KLHL41: variants seen among roughly 807,000 people sequenced by gnomAD.
KLHL41 encodes the protein kelch-like protein 41.
A neutral mutation model predicts 49.2 loss-of-function variants in KLHL41; 31 were observed. That is an observed-to-expected ratio of 0.63 (90% CI 0.47 to 0.85). The LOEUF (loss-of-function observed/expected upper bound fraction) is 0.85. KLHL41 is among the 40% of genes least tolerant of loss of function. KLHL41 has a pLI of 0.00. For synonymous variants in KLHL41, 218 were observed against 258.5 expected, an observed-to-expected ratio of 0.84 and a Z score of 1.50; for missense variants, 663 against 726.7, an observed-to-expected ratio of 0.91 and a Z score of 1.01.
At position 169,510,611 on chromosome 2, in the gene KLHL41, T is replaced by C. The variant is rs751923233; in HGVS notation, c.833T>C (p.Val278Ala). 120 of 1,613,792 alleles carry C rather than the reference T, an allele frequency of 7.4e-5. No homozygotes were observed. The highest frequency in any genetic ancestry group is 1.0e-4 in the Non-Finnish European group (118 of 1,179,986). The part of the protein sequence containing the change: ...KNAAKTGAGE[V>A]NGDVGDEDLL... ...GCCGCGAAGACTGGGGCTGGTGAGG[T>C]GAATGGTGATGTTGGTGATGAAGAT... Residue 278 changes from valine to alanine, a missense_variant, in exon 1 of 6, where the codon GTG (valine) becomes GCG (alanine). By Grantham distance (64) the Val-to-Ala change is moderately conservative (BLOSUM62 0). This residue lies in a region of KLHL41 where 528 missense variants were observed against 581.0 expected (regional missense o/e 0.91). Coordinates refer to ENST00000284669, the MANE Select transcript of KLHL41 (RefSeq NM_006063.3). The surrounding 1 kb of genome is among the most constrained non-coding windows in gnomAD (Gnocchi z 4.2).
At chr2:169,518,714 C>T (rs988704380) in intron 4 of KLHL41, among the ~76,000 whole-genome samples, 7 of 152,212 alleles carry the variant, frequency 4.6e-5, no homozygotes, top group Admixed American at 2.0e-4. Context: ...AGGTCTGGCT[C>T]TGTCACCCAG....
At chr2:169,521,123 T>C in intron 5 of KLHL41, 116 bp downstream of exon 5, 1 of 878,696 alleles carries the variant, frequency 1.1e-6, no homozygotes, top group South Asian at 1.6e-5. Flanking sequence ...TTCTTGGTAG[T>C]AGACTAAACA....
chr2:169,515,632 T>C (rs1215767544), intron 3 of KLHL41, among the ~76,000 whole-genome samples: 1 of 152,230 alleles, frequency 6.6e-6, no homozygotes, highest in Non-Finnish European at 1.5e-5. Context: ...ATCTTTAATG[T>C]AGTATTTAAA....
intron 1 of KLHL41, 117 bp downstream of exon 1, chr2:169,511,005 T>C: frequency 2.4e-6 from 2 of 817,548 alleles, no homozygotes; most frequent in East Asian, 5.1e-5. Context: ...TGATGTCCTA[T>C]TCCAGTCCCT....
intron 4 of KLHL41, 93 bp downstream of exon 4, chr2:169,518,468 G>C: frequency 1.1e-6 from 1 of 924,500 alleles, no homozygotes; most frequent in Non-Finnish European, 1.6e-6. Context: ...ATTAGGATGT[G>C]GGGAGGGGAG....
intron 5 of KLHL41, among the ~76,000 whole-genome samples, chr2:169,524,179 C>G (rs1684262270): frequency 6.6e-6 from 1 of 152,068 alleles, no homozygotes; most frequent in Non-Finnish European, 1.5e-5. Context: ...TCATTTAAAA[C>G]TATTATTTAT....
intron 3 of KLHL41, 148 bp downstream of exon 3, chr2:169,515,109 C>A (rs1320926560): frequency 4.0e-6 from 2 of 497,578 alleles, no homozygotes; most frequent in Non-Finnish European, 7.0e-6. Flanking sequence ...TCTCGGCTCA[C>A]TGCAACCGCC....
intron 4 of KLHL41, among the ~76,000 whole-genome samples, chr2:169,520,318 G>GTGTGTATGTA (rs1559132021): frequency 6.7e-6 from 1 of 148,720 alleles, no homozygotes; most frequent in African/African-American, 2.5e-5. Flanking sequence ...GTGTATGTGT[G>GTGTGTATGTA]TGTGTGTGTG....
chr2:169,524,727 A>G (rs867843227), intron 5 of KLHL41, among the ~76,000 whole-genome samples: 1 of 151,914 alleles, frequency 6.6e-6, no homozygotes, highest in Non-Finnish European at 1.5e-5. Flanking sequence ...CCAGGTCTTG[A>G]CAATTTGTGG....
chr2:169,518,518 G>T, intron 4 of KLHL41, 143 bp downstream of exon 4: 1 of 579,434 alleles, frequency 1.7e-6, no homozygotes. Context: ...ATTTTCATCT[G>T]GGTTTCTTTT....
Position 169,510,399 on chromosome 2 carries a change from C to T in KLHL41, c.621C>T (p.Asp207=). ...FEAVMKWVRT[D]KENRVKNLSE... The stretch of plus-strand genomic sequence containing the variant: ...CAGTGATGAAATGGGTGCGAACAGA[C>T]AAGGAAAACAGGGTTAAAAACCTTA... Residue 207 remains aspartate, a synonymous_variant, in exon 1 of 6, where the codon GAC becomes GAT. Coordinates refer to ENST00000284669, the MANE Select transcript of KLHL41 (RefSeq NM_006063.3). This position sits in a 1 kb window ranked among gnomAD's most constrained non-coding sequence, Gnocchi z 4.2. The T allele has an allele frequency of 6.2e-7, 1 of 1,613,956 alleles. No individual in the cohort carries two copies. Among genetic ancestry groups the T allele is most frequent in the Non-Finnish European group, 8.5e-7 (1 of 1,179,998 alleles).
At chr2:169,512,036 G>GT (rs1435196483) in intron 1 of KLHL41, among the ~76,000 whole-genome samples, 5 of 152,106 alleles carry the variant, frequency 3.3e-5, no homozygotes, top group Non-Finnish European at 7.4e-5. Flanking sequence ...CACTTTAGTT[G>GT]GAAAGGCCAA....
intron 1 of KLHL41, among the ~76,000 whole-genome samples, chr2:169,513,239 G>T (rs560101568): frequency 6.6e-6 from 1 of 152,270 alleles, no homozygotes; most frequent in South Asian, 2.1e-4. Flanking sequence ...TAAAAGTTCT[G>T]TGTATTTGGG....
chr2:169,520,280 G>A (rs1358467564), intron 4 of KLHL41, among the ~76,000 whole-genome samples: 4 of 54,638 alleles, frequency 7.3e-5, no homozygotes, highest in African/African-American at 3.0e-4. Context: ...GCCTCAGTGT[G>A]TGTGTGTGTG....
chr2:169,518,250 T>A lies in KLHL41; in HGVS notation c.1437T>A (p.Ala479=). Reference sequence around the variant, plus strand: ...AAAAAGGAGATTGGAAAGATCTGGCTCCAATGAAAATTCCTCGTTCCATGT... The same window carrying A: ...AAAAAGGAGATTGGAAAGATCTGGCACCAATGAAAATTCCTCGTTCCATGT... The part of the protein sequence containing the change: ...NPKKGDWKDL[A]PMKIPRSMFG... The change falls in exon 4 of 6, where the codon GCT becomes GCA. Residue 479 remains alanine, a synonymous_variant. Coordinates refer to ENST00000284669, the MANE Select transcript of KLHL41 (RefSeq NM_006063.3). The A allele has an allele frequency of 6.2e-7, 1 of 1,614,028 alleles. No homozygotes were observed. The highest frequency in any genetic ancestry group is 1.1e-5 in the South Asian group (1 of 91,058).
chr2:169,519,484 A>T (rs1291388121), intron 4 of KLHL41, among the ~76,000 whole-genome samples: 1 of 152,128 alleles, frequency 6.6e-6, no homozygotes, highest in Non-Finnish European at 1.5e-5. Flanking sequence ...AAAAATTGTA[A>T]ATATCTTCTT....
chr2:169,516,339 G>T (rs1258369000), intron 3 of KLHL41, among the ~76,000 whole-genome samples: 2 of 152,074 alleles, frequency 1.3e-5, no homozygotes, highest in Non-Finnish European at 2.9e-5. Flanking sequence ...ATTTTAAAAA[G>T]CAATGGTTTT....
At chr2:169,516,755 C>T (rs924214417) in intron 3 of KLHL41, among the ~76,000 whole-genome samples, 8 of 152,224 alleles carry the variant, frequency 5.3e-5, no homozygotes, top group African/African-American at 1.9e-4. Context: ...GGTGCAGTGG[C>T]TCATGCCTGT....
intron 4 of KLHL41, among the ~76,000 whole-genome samples, chr2:169,518,973 C>T (rs1487851307): frequency 7.0e-6 from 1 of 143,850 alleles, no homozygotes; most frequent in African/African-American, 2.6e-5. Flanking sequence ...AGCCAGCACA[C>T]CTGGCCCTGA....
Sources: gnomAD v4.1 joint callset for allele counts (sites outside exome capture counted in the v4.1 genomes callset) on GRCh38, gnomAD v4.1.1 for gene constraint, gnomAD v4.1.1 regional missense constraint, Gnocchi (gnomAD v3.1) non-coding constraint, MANE v1.5 for transcripts, NCBI Gene and HGNC (gene_info 2026-07-23, HGNC 2026-07-21) for gene names.